Variants in ATRN observed in about 807,000 individuals in gnomAD.
ATRN encodes the protein attractin-2.
In ATRN, 54 loss-of-function variants were observed where a neutral mutation model predicts 178.7. The ratio of observed to expected loss-of-function variants is 0.30; its 90% confidence interval spans 0.24 to 0.38. ATRN has a LOEUF of 0.38. Among genes scored for constraint, ATRN ranks in the 10% least tolerant of loss-of-function variants. The pLI, the probability that ATRN is intolerant of heterozygous loss-of-function variation, is 1.00. For missense variants in ATRN, 1,443 were observed against 1,815.1 expected (o/e 0.79, Z 3.73); for synonymous variants, 636 against 663.0 (o/e 0.96, Z 0.63).
intron 1 of ATRN, among the ~76,000 whole-genome samples, chr20:3,512,107 A>ATATATATATATATATATATATTT: frequency 2.8e-5 from 3 of 106,394 alleles, no homozygotes; most frequent in Non-Finnish European, 5.4e-5. Context: ...ATATATATAT[A>ATATATATATATATATATATATTT]TTTTTTTTTT....
intron 7 of ATRN, 121 bp downstream of exon 7, chr20:3,559,604 G>A (rs2085924263): frequency 2.8e-6 from 2 of 724,554 alleles, no homozygotes; most frequent in South Asian, 1.9e-5. Context: ...TTTTATTGGG[G>A]GCATTATATA....
intron 24 of ATRN, among the ~76,000 whole-genome samples, chr20:3,614,384 C>A (rs2086810484): frequency 6.6e-6 from 1 of 152,124 alleles, no homozygotes; most frequent in Non-Finnish European, 1.5e-5. Flanking sequence ...TGGCTCGTTC[C>A]CGACTCTGCA....
At chr20:3,536,421 G>T (rs1264288014) in intron 2 of ATRN, among the ~76,000 whole-genome samples, 3 of 151,980 alleles carry the variant, frequency 2.0e-5, no homozygotes, top group African/African-American at 7.3e-5. Context: ...ATGTTGGCCA[G>T]GCTGGTCTCG....
chr20:3,484,912 T>A (rs757507987), intron 1 of ATRN, among the ~76,000 whole-genome samples: 4 of 63,998 alleles, frequency 6.3e-5, no homozygotes, highest in Non-Finnish European at 1.0e-4. Flanking sequence ...ATTTTAAAAT[T>A]ATTATTATTA....
At chr20:3,635,877 T>G (rs1192189619) in intron 26 of ATRN, among the ~76,000 whole-genome samples, 1 of 152,230 alleles carries the variant, frequency 6.6e-6, no homozygotes, top group East Asian at 1.9e-4. Context: ...ATTACTGATA[T>G]ACTTTAAAAG....
At chr20:3,478,921 C>CTTTT (rs71331052) in intron 1 of ATRN, among the ~76,000 whole-genome samples, 8 of 126,000 alleles carry the variant, frequency 6.3e-5, no homozygotes, top group Non-Finnish European at 1.0e-4. Flanking sequence ...AATTCATACC[C>CTTTT]TTTTTTTTTT....
At position 3,572,860 on chromosome 20, in the gene ATRN, G is replaced by A. The variant is rs2086147123; in HGVS notation, c.2001G>A (p.Val667=). Residue 667 remains valine, a synonymous_variant, in exon 12 of 29, where the codon GTG becomes GTA. Transcript: ENST00000262919. ...CAGCAGGACCTGGTATTCGGTGTGT[G>A]TGGAACACAGGGTCGTCTCAGTGTA... ...CLAAGPGIRC[V]WNTGSSQCIS... is the part of the protein sequence containing the mutation. The A allele has an allele frequency of 6.2e-7, 1 of 1,613,834 alleles. No individual in the cohort carries two copies. Among genetic ancestry groups the A allele is most frequent in the Non-Finnish European group, 8.5e-7 (1 of 1,180,014 alleles).
At chr20:3,574,411 G>A (rs909067705) in intron 12 of ATRN, among the ~76,000 whole-genome samples, 2 of 152,152 alleles carry the variant, frequency 1.3e-5, no homozygotes, top group Non-Finnish European at 2.9e-5. Flanking sequence ...CCAGCTACTA[G>A]GGTGGCTGAG....
At chr20:3,564,787 T>C (rs1420538417) in intron 10 of ATRN, among the ~76,000 whole-genome samples, 1 of 152,162 alleles carries the variant, frequency 6.6e-6, no homozygotes, top group Non-Finnish European at 1.5e-5. Flanking sequence ...CATTCTTGGC[T>C]GGGCGTGGTG....
At position 3,560,885 on chromosome 20, in the gene ATRN, A is replaced by G. The variant is rs2085942829; in HGVS notation, c.1427A>G (p.Asn476Ser). The change falls in exon 8 of 29, where the codon AAT becomes AGT. Residue 476 changes from asparagine to serine, a missense_variant. Coordinates refer to ENST00000262919, the MANE Select transcript of ATRN (RefSeq NM_139321.3). ...TGCCCTCTCTATGGATATATAAGCA[A>G]TGTGCAGGAATATGATTTGGGTAGG... ...GHCPLYGYIS[N>S]VQEYDLDKNT... 6.2e-7 allele frequency: 1 copy of G among 1,614,038 alleles called. No homozygotes were observed. Among genetic ancestry groups the G allele is most frequent in the South Asian group, 1.1e-5 (1 of 91,084 alleles).
intron 19 of ATRN, among the ~76,000 whole-genome samples, chr20:3,591,946 C>T (rs759368396): frequency 2.6e-5 from 4 of 152,190 alleles, no homozygotes; most frequent in Non-Finnish European, 5.9e-5. Flanking sequence ...TCCTTAACTG[C>T]ACCTCTCTCA....
chr20:3,597,533 T>C (rs2086548049), intron 21 of ATRN, among the ~76,000 whole-genome samples: 1 of 152,274 alleles, frequency 6.6e-6, no homozygotes, highest in Non-Finnish European at 1.5e-5. Flanking sequence ...TAATCTCATG[T>C]CTGCTTCTGC....
chr20:3,572,824 C>A lies in ATRN; in HGVS notation c.1965C>A (p.Ala655=), dbSNP rs149619736. 2 of 1,613,454 alleles carry A rather than the reference C, an allele frequency of 1.2e-6. No homozygotes were observed. Among genetic ancestry groups the A allele is most frequent in the East Asian group, 2.2e-5 (1 of 44,882 alleles). Residue 655 remains alanine (A), a synonymous_variant, in exon 12 of 29, where the codon GCC becomes GCA. Transcript: ENST00000262919. The part of the protein sequence containing the change: ...SEQCDAHRSE[A]ACLAAGPGIR... ...AGTGTGATGCGCATCGGAGTGAAGC[C>A]GCTTGTTTAGCAGCAGGACCTGGTA... is the stretch of plus-strand genomic sequence containing the variant.
Position 3,505,915 on chromosome 20 carries a change from A to G in ATRN, c.411-29338A>G, listed in dbSNP as rs561526208. On this transcript the variant is annotated intron_variant, in intron 1 of 28. Coordinates refer to ENST00000262919, the MANE Select transcript of ATRN (RefSeq NM_139321.3). ...ATAAAATGCTACATTAAGCGTTGCC[A>G]GGGCACAGGGATAGGAGGTATGCTG... is the stretch of plus-strand genomic sequence containing the variant. 3.3e-5 allele frequency among the ~76,000 whole-genome samples: 5 copies of G among 152,360 alleles called. No individual in the cohort carries two copies. In the East Asian group the frequency reaches 5.8e-4, roughly 18 times the overall value.
At chr20:3,558,858 A>G (rs1226016627) in intron 6 of ATRN, among the ~76,000 whole-genome samples, 2 of 152,162 alleles carry the variant, frequency 1.3e-5, no homozygotes, top group African/African-American at 4.8e-5. Context: ...AGGATTATAA[A>G]TTATTTTCTT....
chr20:3,604,543 A>G (rs557401698), intron 24 of ATRN, among the ~76,000 whole-genome samples: 6 of 152,246 alleles, frequency 3.9e-5, no homozygotes, highest in Non-Finnish European at 8.8e-5. Flanking sequence ...TTCAGTGAGC[A>G]TTTGCCATGT....
intron 1 of ATRN, among the ~76,000 whole-genome samples, chr20:3,511,241 T>C (rs770406456): frequency 1.3e-5 from 2 of 152,046 alleles, no homozygotes; most frequent in African/African-American, 2.4e-5. Context: ...TAAAGATAAA[T>C]TAGTTGAATA....
rs531339113 is a variant in ATRN at position 3,565,549 on chromosome 20, C to T, written c.1871+117C>T. On this transcript the variant is annotated intron_variant, in intron 11 of 28. Coordinates refer to ENST00000262919, the MANE Select transcript of ATRN (RefSeq NM_139321.3). ...TTGGGAGGCCGAGGCGGGTGGAATA[C>T]GAGGTCAGGAGATCAAGACCATCCT... 78 of 792,846 alleles carry T rather than the reference C, an allele frequency of 9.8e-5. 1 individual carries two copies. Among genetic ancestry groups the T allele is most frequent in the South Asian group, 9.1e-4 (59 of 64,598 alleles). The allele number at this position is 792,846 out of a possible 1,614,324, so 49.1% of individuals were successfully genotyped here.
chr20:3,509,144 T>C (rs1055556452), intron 1 of ATRN, among the ~76,000 whole-genome samples: 1 of 152,190 alleles, frequency 6.6e-6, no homozygotes, highest in Non-Finnish European at 1.5e-5. Flanking sequence ...ATGCCAGTTA[T>C]GTCAGCACTG....
Sources: allele counts gnomAD v4.1 joint callset (sites outside exome capture counted in the v4.1 genomes callset), GRCh38; gene constraint gnomAD v4.1.1; transcripts MANE v1.5; gene names NCBI Gene and HGNC (gene_info 2026-07-23, HGNC 2026-07-21).